The following EHBP1 variants were observed in gnomAD, a reference collection of about 807,000 sequenced individuals.
The protein encoded by EHBP1 is EH domain-binding protein 1.
Under a neutral mutation model 144.0 loss-of-function variants are expected in EHBP1, and 55 were observed. The observed-to-expected ratio is 0.38, with a 90% CI of 0.31 to 0.48. The LOEUF is 0.48. EHBP1 is among the 20% of genes least tolerant of loss of function. The pLI is 0.98. For missense variants in EHBP1, 1,200 were observed against 1,364.2 expected (o/e 0.88, Z 1.90); for synonymous variants, 469 against 472.7 (o/e 0.99, Z 0.10).
At chr2:62,749,685 T>C (rs1454915527) in intron 3 of EHBP1, among the ~76,000 whole-genome samples, 1 of 152,234 alleles carries the variant, frequency 6.6e-6, no homozygotes, top group Non-Finnish European at 1.5e-5. Context: ...CTAACTGGTG[T>C]GAGATGGTAT....
chr2:62,826,850 G>A (rs902574941), intron 6 of EHBP1, among the ~76,000 whole-genome samples: 3 of 152,132 alleles, frequency 2.0e-5, no homozygotes, highest in Non-Finnish European at 2.9e-5. Context: ...ATTCTAACTT[G>A]ACAAAATGAG....
At chr2:62,723,490 T>G (rs1307271965) in intron 2 of EHBP1, among the ~76,000 whole-genome samples, 1 of 152,170 alleles carries the variant, frequency 6.6e-6, no homozygotes, top group Non-Finnish European at 1.5e-5. Context: ...CATTTAAGGT[T>G]AATATTGATA....
intron 2 of EHBP1, among the ~76,000 whole-genome samples, chr2:62,727,153 G>A (rs945409610): frequency 2.0e-5 from 3 of 152,138 alleles, no homozygotes; most frequent in Admixed American, 6.5e-5. Context: ...GAGCCACTGC[G>A]CCCGGCCTAC....
intron 7 of EHBP1, among the ~76,000 whole-genome samples, chr2:62,832,025 C>T (rs1410073429): frequency 6.6e-6 from 1 of 152,196 alleles, no homozygotes; most frequent in East Asian, 1.9e-4. Context: ...TTCCATTCCA[C>T]AACAAGAAAT....
At chr2:62,845,084 G>A (rs1426007355) in intron 7 of EHBP1, among the ~76,000 whole-genome samples, 1 of 151,506 alleles carries the variant, frequency 6.6e-6, no homozygotes. Flanking sequence ...CACAAGAGCA[G>A]ATTATCTTTT....
At chr2:62,904,302 G>A (rs1204545231) in intron 10 of EHBP1, among the ~76,000 whole-genome samples, 4 of 152,134 alleles carry the variant, frequency 2.6e-5, no homozygotes, top group African/African-American at 9.7e-5. Flanking sequence ...CTGTGTAGTG[G>A]TCTTTCTCAA....
At chr2:62,945,487 A>G (rs1355793844) in intron 12 of EHBP1, among the ~76,000 whole-genome samples, 1 of 152,138 alleles carries the variant, frequency 6.6e-6, no homozygotes, top group Non-Finnish European at 1.5e-5. Flanking sequence ...AATCAAAACA[A>G]TTTTTCACTT....
At chr2:62,750,001 G>C (rs1278000911) in intron 3 of EHBP1, among the ~76,000 whole-genome samples, 1 of 152,102 alleles carries the variant, frequency 6.6e-6, no homozygotes, top group Non-Finnish European at 1.5e-5. Flanking sequence ...AGTACCATTT[G>C]TCAATTTTGT....
Position 63,014,834 on chromosome 2 carries a change from C to T in EHBP1, c.3103+18068C>T, listed in dbSNP as rs578132962. On this transcript the variant is annotated intron_variant, in intron 19 of 22. Coordinates refer to ENST00000431489, the MANE Select transcript of EHBP1 (RefSeq NM_001142616.3). The stretch of plus-strand genomic sequence containing the variant: ...CTCTACTAAAGATACAAAAATTAGC[C>T]GAGTGTGGTGGCGCATGCCTGTAAT... Among the ~76,000 whole-genome samples, 7 of 152,188 alleles carry T rather than the reference C, an allele frequency of 4.6e-5. No individual in the cohort carries two copies. In the East Asian group the frequency reaches 7.7e-4, roughly 17 times the overall value.
chr2:62,843,169 C>G (rs1448571019), intron 7 of EHBP1, among the ~76,000 whole-genome samples: 1 of 152,116 alleles, frequency 6.6e-6, no homozygotes, highest in Non-Finnish European at 1.5e-5. Context: ...AAAATAGAAA[C>G]TATGTTCTAA....
chr2:62,817,480 T>C (rs1311469962), intron 5 of EHBP1, among the ~76,000 whole-genome samples: 1 of 152,044 alleles, frequency 6.6e-6, no homozygotes, highest in African/African-American at 2.4e-5. Flanking sequence ...AACAATAGCA[T>C]AGTAGATAAG....
At chr2:62,800,341 T>G (rs1203376596) in intron 5 of EHBP1, among the ~76,000 whole-genome samples, 1 of 152,222 alleles carries the variant, frequency 6.6e-6, no homozygotes. Context: ...TAACAAAATC[T>G]TTAGTCACCA....
At chr2:62,723,005 G>A (rs865980886) in intron 2 of EHBP1, among the ~76,000 whole-genome samples, 2 of 152,198 alleles carry the variant, frequency 1.3e-5, no homozygotes, top group Non-Finnish European at 2.9e-5. Flanking sequence ...GGAGAGTTCT[G>A]TAGATGTCTA....
rs574893721 is a variant in EHBP1 at position 62,841,763 on chromosome 2, T to C, written c.634+10605T>C. On this transcript the variant is annotated intron_variant, in intron 7 of 22. Coordinates refer to ENST00000431489, the MANE Select transcript of EHBP1 (RefSeq NM_001142616.3). ...TTTTTTCTTTTCTTTTCTTTCTCTT[T>C]CCTTTCTTTCTTATTTTGGTTATTT... Among the ~76,000 whole-genome samples, 10 of 152,290 alleles carry C rather than the reference T, an allele frequency of 6.6e-5. No homozygotes were observed. In the South Asian group the frequency reaches 2.1e-3, roughly 32 times the overall value.
At chr2:62,892,896 A>G (rs1320392446) in intron 10 of EHBP1, among the ~76,000 whole-genome samples, 1 of 152,200 alleles carries the variant, frequency 6.6e-6, no homozygotes, top group African/African-American at 2.4e-5. Flanking sequence ...CAGAGTACAC[A>G]TAAACCAAAG....
At chr2:62,770,052 A>G (rs960247030) in intron 4 of EHBP1, among the ~76,000 whole-genome samples, 15 of 152,192 alleles carry the variant, frequency 9.9e-5, no homozygotes, top group African/African-American at 3.6e-4. Context: ...GTAAAACTCA[A>G]AACTATAGAA....
Position 62,831,268 on chromosome 2 carries a change from T to TC in EHBP1, c.634+111dup, listed in dbSNP as rs1339941552. 4 of 1,046,136 alleles carry TC rather than the reference T, an allele frequency of 3.8e-6. No individual in the cohort carries two copies. In the African/African-American group the frequency reaches 6.8e-5, roughly 18 times the overall value. 64.8% of individuals were successfully genotyped at this position (1,046,136 alleles called of 1,614,324 possible). On this transcript the variant is annotated intron_variant, in intron 7 of 22. Transcript: ENST00000431489. The stretch of plus-strand genomic sequence containing the variant: ...TCTACTTATTGGGTTTCTTTTTTTT[T>TC]CTTTAAGCCTTTCTACAATAAAATA...
intron 10 of EHBP1, among the ~76,000 whole-genome samples, chr2:62,887,807 T>G (rs1462137626): frequency 6.6e-6 from 1 of 152,120 alleles, no homozygotes; most frequent in Non-Finnish European, 1.5e-5. Flanking sequence ...TATTTTACAA[T>G]TGACCATAAA....
intron 8 of EHBP1, 138 bp downstream of exon 8, chr2:62,859,429 C>T: frequency 1.3e-6 from 1 of 782,498 alleles, no homozygotes. Flanking sequence ...TGTTCAATAC[C>T]ACTTGGAGTT....
Sources: gnomAD v4.1 joint callset for allele counts (sites outside exome capture counted in the v4.1 genomes callset) on GRCh38, gnomAD v4.1.1 for gene constraint, MANE v1.5 for transcripts, NCBI Gene and HGNC (gene_info 2026-07-23, HGNC 2026-07-21) for gene names.